Variants in GRM5 observed in about 807,000 individuals in gnomAD.
The protein encoded by GRM5 is metabotropic glutamate receptor 5.
In GRM5, 19 loss-of-function variants were observed where a neutral mutation model predicts 83.1. The observed-to-expected ratio is 0.23, with a 90% CI of 0.16 to 0.34. The LOEUF (loss-of-function observed/expected upper bound fraction) is 0.34. Among genes scored for constraint, GRM5 ranks in the 10% least tolerant of loss-of-function variants. The pLI, the probability that GRM5 is intolerant of heterozygous loss-of-function variation, is 1.00. For synonymous variants in GRM5, 675 were observed against 633.6 expected (o/e 1.07, Z -0.98); for missense variants, 1,160 against 1,588.3 (o/e 0.73, Z 4.58).
intron 3 of GRM5, among the ~76,000 whole-genome samples, chr11:88,698,537 C>G (rs1292589346): frequency 6.6e-6 from 1 of 152,060 alleles, no homozygotes; most frequent in Non-Finnish European, 1.5e-5. Context: ...ACAATGGGCT[C>G]AAGAAGAGAG....
intron 2 of GRM5, among the ~76,000 whole-genome samples, chr11:88,928,907 T>TATATACAC (rs369951090): frequency 0.021 from 2,950 of 138,734 alleles, 69 homozygotes; most frequent in East Asian, 0.06. Context: ...TATGTGTATA[T>TATATACAC]ACACACACAC....
intron 8 of GRM5, among the ~76,000 whole-genome samples, chr11:88,526,157 G>A (rs1046470683): frequency 1.4e-4 from 21 of 152,038 alleles, no homozygotes; most frequent in Admixed American, 1.1e-3. Flanking sequence ...TTGGGATGCC[G>A]CCATTATTTT....
Position 88,951,077 on chromosome 11 carries a change from GT to G in GRM5, c.661+96134del, listed in dbSNP as rs1565306503. On this transcript the variant is annotated intron_variant, in intron 2 of 9. Coordinates refer to ENST00000305447, the MANE Select transcript of GRM5 (RefSeq NM_001143831.3). ...TCTTTTTCTCAAATGGCAGATTAGA[GT>G]GTGTGTGTGTGTGTGTATCTGTGTG... Among the ~76,000 whole-genome samples, 65 of 9,200 alleles carry G rather than the reference GT, an allele frequency of 7.1e-3. No individual in the cohort carries two copies. In the Non-Finnish European group the frequency reaches 0.25, roughly 35 times the overall value. 6.0% of individuals were successfully genotyped at this position (9,200 alleles called of 152,430 possible). A position where few individuals can be genotyped will look rare whatever the true frequency, so the allele number is the denominator to read the frequency against.
At chr11:88,909,925 A>T (rs573443008) in intron 2 of GRM5, among the ~76,000 whole-genome samples, 1 of 152,204 alleles carries the variant, frequency 6.6e-6, no homozygotes, top group African/African-American at 2.4e-5. Context: ...ATGGTAAAAT[A>T]CATATAATCA....
At chr11:89,011,578 T>G (rs143449341) in intron 2 of GRM5, among the ~76,000 whole-genome samples, 16 of 152,192 alleles carry the variant, frequency 1.1e-4, no homozygotes, top group African/African-American at 3.9e-4. Flanking sequence ...AAATTGCCTT[T>G]TCATTCATAG....
chr11:88,816,538 C>CAAAAAAAAAAAAAAAA (rs777360398), intron 3 of GRM5, among the ~76,000 whole-genome samples: 2 of 69,882 alleles, frequency 2.9e-5, no homozygotes, highest in Non-Finnish European at 3.4e-5. Context: ...GACTCCATCT[C>CAAAAAAAAAAAAAAAA]AAAAAAAAAA....
intron 2 of GRM5, among the ~76,000 whole-genome samples, chr11:88,886,262 T>C (rs551956): frequency 0.97 from 146,897 of 152,196 alleles, 70,926 homozygotes; most frequent in East Asian, 0.99. Context: ...TGGTGCGTGA[T>C]GACAAACCCT....
At chr11:88,829,885 T>A (rs1379962943) in intron 3 of GRM5, among the ~76,000 whole-genome samples, 2 of 152,060 alleles carry the variant, frequency 1.3e-5, no homozygotes, top group African/African-American at 4.8e-5. Context: ...ATAATCAATA[T>A]CCTAGAACCA....
chr11:88,782,813 C>T (rs1258793744), intron 3 of GRM5, among the ~76,000 whole-genome samples: 1 of 152,058 alleles, frequency 6.6e-6, no homozygotes, highest in Non-Finnish European at 1.5e-5. Context: ...TGGCAGGTTT[C>T]AGAGGAAACA....
chr11:88,760,892 G>T (rs1325814394), intron 3 of GRM5, among the ~76,000 whole-genome samples: 2 of 152,094 alleles, frequency 1.3e-5, no homozygotes, highest in South Asian at 4.1e-4. Flanking sequence ...GGGCTGCAAG[G>T]TTGGTTCAAG....
At chr11:88,743,694 G>A (rs149360663) in intron 3 of GRM5, among the ~76,000 whole-genome samples, 1 of 152,184 alleles carries the variant, frequency 6.6e-6, no homozygotes, top group East Asian at 1.9e-4. Flanking sequence ...AATTATCAGT[G>A]AACCAAACAG....
chr11:88,713,976 T>G (rs937074006), intron 3 of GRM5, among the ~76,000 whole-genome samples: 1 of 152,060 alleles, frequency 6.6e-6, no homozygotes. Context: ...CTTTGTAAAA[T>G]TTTAAGATTT....
chr11:88,508,262 C>T lies in GRM5; in HGVS notation c.*330G>A, dbSNP rs201188428. ...TAACTATGCTCTTCACCCTCCGTTA[C>T]GCTGTTTCACACGCACTGCTTCCCT... is the stretch of plus-strand genomic sequence containing the variant. On this transcript the variant is annotated 3_prime_UTR_variant, in exon 10 of 10. Transcript: ENST00000305447. This position sits in a 1 kb window ranked among gnomAD's most constrained non-coding sequence, Gnocchi z 4.2. The T allele has an allele frequency of 9.9e-6, 2 of 201,984 alleles. No individual in the cohort carries two copies. The highest frequency in any genetic ancestry group is 2.3e-5 in the African/African-American group (1 of 43,228). 12.5% of individuals were successfully genotyped at this position (201,984 alleles called of 1,614,324 possible).
chr11:88,995,495 A>G (rs2135057928), intron 2 of GRM5, among the ~76,000 whole-genome samples: 1 of 140,984 alleles, frequency 7.1e-6, no homozygotes, highest in East Asian at 2.3e-4. Context: ...CAATGAGCTG[A>G]GATCATGCCA....
At chr11:88,885,933 T>A in intron 2 of GRM5, among the ~76,000 whole-genome samples, 1 of 152,152 alleles carries the variant, frequency 6.6e-6, no homozygotes, top group East Asian at 1.9e-4. Flanking sequence ...CTGCCAGCCA[T>A]GTATACTGTA....
chr11:88,720,567 A>T (rs1941509794), intron 3 of GRM5, among the ~76,000 whole-genome samples: 1 of 152,084 alleles, frequency 6.6e-6, no homozygotes, highest in South Asian at 2.1e-4. Flanking sequence ...TAGTCAAAAC[A>T]GTTTTAGCTG....
At chr11:89,012,519 C>A (rs943806299) in intron 2 of GRM5, among the ~76,000 whole-genome samples, 3 of 151,960 alleles carry the variant, frequency 2.0e-5, no homozygotes, top group African/African-American at 7.3e-5. Flanking sequence ...ATGTATGATG[C>A]GTAAAAAATA....
At chr11:88,751,059 A>C (rs2135427124) in intron 3 of GRM5, among the ~76,000 whole-genome samples, 1 of 129,682 alleles carries the variant, frequency 7.7e-6, no homozygotes, top group African/African-American at 2.8e-5. Context: ...CAAACCCCAA[A>C]GATAGCAGAA....
At chr11:88,892,384 C>T (rs572633939) in intron 2 of GRM5, among the ~76,000 whole-genome samples, 2 of 151,974 alleles carry the variant, frequency 1.3e-5, no homozygotes, top group South Asian at 4.2e-4. Flanking sequence ...TCCAGGACCT[C>T]CAAGTTTATC....
Sources: allele counts gnomAD v4.1 joint callset (sites outside exome capture counted in the v4.1 genomes callset), GRCh38; gene constraint gnomAD v4.1.1; non-coding constraint Gnocchi (gnomAD v3.1); transcripts MANE v1.5; gene names NCBI Gene and HGNC (gene_info 2026-07-23, HGNC 2026-07-21).